The following DNAH11 variants were observed in gnomAD, a reference collection of about 807,000 sequenced individuals.
DNAH11 encodes dynein axonemal heavy chain 11.
Under a neutral mutation model 526.0 loss-of-function variants are expected in DNAH11, and 442 were observed. The observed-to-expected ratio is 0.84, with a 90% CI of 0.78 to 0.91. DNAH11 has a LOEUF of 0.91. Among genes scored for constraint, DNAH11 ranks in the 40% least tolerant of loss-of-function variants. DNAH11 has a pLI of 0.00. For synonymous variants in DNAH11, 2,461 were observed against 1,935.9 expected (o/e 1.27, Z -7.12); for missense variants, 6,989 against 5,448.7 (o/e 1.28, Z -8.90).
rs60767877 is a variant in DNAH11 at position 21,629,341 on chromosome 7, A to G, written c.4501-6530A>G. 9.1e-3 allele frequency among the ~76,000 whole-genome samples: 1,382 copies of G among 152,224 alleles called. 17 individuals are homozygous for G. The highest frequency in any genetic ancestry group is 0.031 in the African/African-American group (1,282 of 41,540). On this transcript the variant is annotated intron_variant, in intron 25 of 81. Transcript: ENST00000409508. ...TGCCCTAAGATATGATCTATTCTGG[A>G]GAATCCATGTGCTGACAAAAAGGAT...
intron 60 of DNAH11, among the ~76,000 whole-genome samples, chr7:21,787,941 T>C (rs898094460): frequency 6.6e-6 from 1 of 152,214 alleles, no homozygotes; most frequent in Non-Finnish European, 1.5e-5. Flanking sequence ...TAGCGCCTGC[T>C]CTCAAAGCAA....
intron 61 of DNAH11, among the ~76,000 whole-genome samples, chr7:21,790,660 T>A (rs926922090): frequency 6.6e-6 from 1 of 152,148 alleles, no homozygotes; most frequent in Non-Finnish European, 1.5e-5. Flanking sequence ...CTTTAGATGT[T>A]GGTTAGGAAC....
In DNAH11 at chr7:21,901,143, G is replaced by A; in HGVS notation, c.13440G>A (p.Val4480=). The A allele has an allele frequency of 1.2e-6, 2 of 1,613,948 alleles. No homozygotes were observed. The highest frequency in any genetic ancestry group is 1.1e-5 in the South Asian group (1 of 91,078). ...CCAAACAGACCTACGAGTGCCCTGT[G>A]TATAGAACCAAACTGAGAGGCCCCA... The part of the protein sequence containing the change: ...QETKQTYECP[V]YRTKLRGPSY... The change falls in exon 82 of 82, where the codon GTG becomes GTA. Residue 4480 remains valine, a synonymous_variant. Transcript: ENST00000409508.
chr7:21,784,140 A>T (rs1363107849), intron 57 of DNAH11, among the ~76,000 whole-genome samples: 4 of 152,240 alleles, frequency 2.6e-5, no homozygotes, highest in African/African-American at 9.6e-5. Context: ...TCTTGCTTTT[A>T]CTATTAGTGG....
intron 73 of DNAH11, among the ~76,000 whole-genome samples, chr7:21,872,949 A>G (rs1343125229): frequency 6.6e-6 from 1 of 152,206 alleles, no homozygotes; most frequent in East Asian, 1.9e-4. Flanking sequence ...CATAACAAAG[A>G]AAAGTACTAG....
chr7:21,865,987 C>G (rs773887287), intron 70 of DNAH11, among the ~76,000 whole-genome samples: 56 of 152,296 alleles, frequency 3.7e-4, no homozygotes, highest in Non-Finnish European at 4.6e-4. Context: ...CCCTCATCAC[C>G]ATCGTGGTTT....
At chr7:21,683,683 T>G (rs1214900454) in intron 31 of DNAH11, 101 bp from the exon 32 acceptor site, 342 of 1,289,672 alleles carry the variant, frequency 2.7e-4, no homozygotes, top group Non-Finnish European at 3.1e-4. Context: ...TTCCTATTTA[T>G]GAGAATTTTA....
At chr7:21,665,090 T>A (rs1454374713) in intron 30 of DNAH11, among the ~76,000 whole-genome samples, 2 of 151,982 alleles carry the variant, frequency 1.3e-5, no homozygotes, top group East Asian at 1.9e-4. Context: ...TATCTCTCTC[T>A]CTCTCTCTCA....
chr7:21,611,891 C>T lies in DNAH11; in HGVS notation c.3853-3223C>T, dbSNP rs188226899. ...ACTCTAGTTATTTATAGTGAACCAT[C>T]ACTAACTCTAGTTATTTATAGTGAA... On this transcript the variant is annotated intron_variant, in intron 20 of 81. Transcript: ENST00000409508. Among the ~76,000 whole-genome samples, 273 of 152,276 alleles carry T rather than the reference C, an allele frequency of 1.8e-3. 1 individual carries two copies. The highest frequency in any genetic ancestry group is 6.3e-3 in the African/African-American group (260 of 41,558).
chr7:21,568,478 A>T (rs1313871138), intron 6 of DNAH11, among the ~76,000 whole-genome samples: 1 of 152,198 alleles, frequency 6.6e-6, no homozygotes, highest in Non-Finnish European at 1.5e-5. Flanking sequence ...TGTGGCCCCT[A>T]GTAGGGTCAC....
intron 65 of DNAH11, among the ~76,000 whole-genome samples, chr7:21,819,578 A>G (rs1287025016): frequency 6.6e-6 from 1 of 152,238 alleles, no homozygotes. Flanking sequence ...TTCTGACTCT[A>G]TTATGAAGAC....
intron 34 of DNAH11, among the ~76,000 whole-genome samples, chr7:21,689,444 C>T (rs553185403): frequency 4.6e-5 from 7 of 152,224 alleles, no homozygotes; most frequent in African/African-American, 1.7e-4. Context: ...ATTAAATTCT[C>T]TGTACACATG....
rs188265859 is a variant in DNAH11 at position 21,721,014 on chromosome 7, A to G, written c.7266+158A>G. Among the ~76,000 whole-genome samples, 7 of 152,322 alleles carry G rather than the reference A, an allele frequency of 4.6e-5. No homozygotes were observed. In the East Asian group the frequency reaches 1.4e-3, roughly 29 times the overall value. On this transcript the variant is annotated intron_variant, in intron 44 of 81. Transcript: ENST00000409508. ...GTCTATGCATTCTCTGGGTAGTCCCATCCCTGATGGTTCTAACCCCAGCTG... is the reference window on the plus strand; with the variant it reads ...GTCTATGCATTCTCTGGGTAGTCCCGTCCCTGATGGTTCTAACCCCAGCTG...
chr7:21,588,455 A>G, intron 10 of DNAH11, 57 bp from the exon 11 acceptor site: 2 of 1,602,090 alleles, frequency 1.2e-6, no homozygotes, highest in Non-Finnish European at 1.7e-6. Flanking sequence ...ACAGGGTTGG[A>G]AACCATTCTG....
intron 64 of DNAH11, among the ~76,000 whole-genome samples, chr7:21,817,496 CA>C (rs1789848219): frequency 8.1e-6 from 1 of 124,142 alleles, no homozygotes; most frequent in Non-Finnish European, 1.6e-5. Flanking sequence ...CCCTGAGCGA[CA>C]TAGTGAGACC....
Position 21,744,896 on chromosome 7 carries a change from A to G in DNAH11, c.8343A>G (p.Gln2781=), listed in dbSNP as rs568636384. Residue 2781 remains glutamine (Q), a synonymous_variant, in exon 51 of 82, where the codon CAA becomes CAG. Coordinates refer to ENST00000409508, the MANE Select transcript of DNAH11 (RefSeq NM_001277115.2). ...GTATAGATAGTCACATGCTGCTTCA[A>G]CAGCCCCTCATTTATTGCCACTTTG... is the stretch of plus-strand genomic sequence containing the variant. ...FEGIDSHMLL[Q]QPLIYCHFAD... is the part of the protein sequence containing the mutation. The G allele has an allele frequency of 6.2e-7, 1 of 1,610,626 alleles. No homozygotes were observed. The highest frequency in any genetic ancestry group is 1.7e-5 in the Admixed American group (1 of 59,506).
At chr7:21,785,005 A>G (rs568310236) in intron 58 of DNAH11, among the ~76,000 whole-genome samples, 3 of 152,200 alleles carry the variant, frequency 2.0e-5, no homozygotes, top group Non-Finnish European at 4.4e-5. Flanking sequence ...TTCGAGCTTC[A>G]TGTTGTTTGT....
chr7:21,648,864 T>C (rs1787492562), intron 28 of DNAH11, among the ~76,000 whole-genome samples: 1 of 152,146 alleles, frequency 6.6e-6, no homozygotes, highest in Non-Finnish European at 1.5e-5. Context: ...GTTTTTGTTT[T>C]CTTTATTTCT....
intron 55 of DNAH11, among the ~76,000 whole-genome samples, chr7:21,769,754 G>A (rs1285827051): frequency 6.6e-6 from 1 of 152,042 alleles, no homozygotes; most frequent in African/African-American, 2.4e-5. Context: ...CAAAGTGCTG[G>A]ATTACAGGCA....
Sources: allele counts gnomAD v4.1 joint callset (sites outside exome capture counted in the v4.1 genomes callset), GRCh38; gene constraint gnomAD v4.1.1; transcripts MANE v1.5; gene names NCBI Gene and HGNC (gene_info 2026-07-23, HGNC 2026-07-21).